The following KCNMA1 variants were observed in gnomAD, a reference collection of about 807,000 sequenced individuals.
The protein encoded by KCNMA1 is Calcium-activated potassium channel subunit alpha-1.
A neutral mutation model predicts 140.0 loss-of-function variants in KCNMA1; 29 were observed. The ratio of observed to expected loss-of-function variants is 0.21; its 90% confidence interval spans 0.15 to 0.28. KCNMA1 has a LOEUF of 0.28. Ranked by LOEUF, KCNMA1 falls within the 10% of genes least tolerant of loss-of-function variation. KCNMA1 has a pLI of 1.00. For synonymous variants in KCNMA1, 612 were observed against 611.9 expected (o/e 1.00, Z 0.00); for missense variants, 880 against 1,602.2 (o/e 0.55, Z 7.70).
intron 2 of KCNMA1, among the ~76,000 whole-genome samples, chr10:77,281,590 C>T (rs572091482): frequency 1.3e-5 from 2 of 152,216 alleles, no homozygotes; most frequent in East Asian, 1.9e-4. Flanking sequence ...AGATCCAATA[C>T]GATTGAGGAA....
chr10:77,043,176 A>G (rs879636285), intron 14 of KCNMA1, among the ~76,000 whole-genome samples: 3 of 152,134 alleles, frequency 2.0e-5, no homozygotes, highest in Non-Finnish European at 2.9e-5. Flanking sequence ...GTCTCTACAC[A>G]CTAGACCTAG....
intron 1 of KCNMA1, among the ~76,000 whole-genome samples, chr10:77,456,202 C>T (rs2097760590): frequency 6.6e-6 from 1 of 152,230 alleles, no homozygotes; most frequent in Non-Finnish European, 1.5e-5. Flanking sequence ...TCTTTGGCCA[C>T]ATAGGCATGG....
At chr10:77,044,727 G>T (rs1319959227) in intron 14 of KCNMA1, among the ~76,000 whole-genome samples, 3 of 152,188 alleles carry the variant, frequency 2.0e-5, no homozygotes, top group Non-Finnish European at 4.4e-5. Flanking sequence ...GGTAAAGGGA[G>T]TTATTGTCAT....
At chr10:77,369,485 T>C (rs905948641) in intron 2 of KCNMA1, among the ~76,000 whole-genome samples, 1 of 152,216 alleles carries the variant, frequency 6.6e-6, no homozygotes, top group African/African-American at 2.4e-5. Flanking sequence ...CTATGCTCAT[T>C]AAATCAATCT....
intron 1 of KCNMA1, among the ~76,000 whole-genome samples, chr10:77,459,690 A>T (rs1254295388): frequency 6.6e-6 from 1 of 152,226 alleles, no homozygotes; most frequent in African/African-American, 2.4e-5. Context: ...TCTGAAGACC[A>T]GCACCCAAAA....
At chr10:77,583,356 G>A (rs1340300625) in intron 1 of KCNMA1, among the ~76,000 whole-genome samples, 1 of 152,190 alleles carries the variant, frequency 6.6e-6, no homozygotes, top group Admixed American at 6.5e-5. Context: ...CTGGAATCCA[G>A]GTCCTGACAA....
chr10:76,884,806 A>G (rs78815917), downstream of KCNMA1: 1,324 of 883,334 alleles, frequency 1.5e-3, 6 homozygotes, highest in African/African-American at 0.01. Flanking sequence ...GGAGGGGGGG[A>G]AAAGCAAAAC....
At chr10:77,067,279 C>T (rs2095991236) in intron 14 of KCNMA1, among the ~76,000 whole-genome samples, 1 of 152,196 alleles carries the variant, frequency 6.6e-6, no homozygotes, top group Non-Finnish European at 1.5e-5. Flanking sequence ...CTCCCTCTGC[C>T]TGATGGTCAG....
Position 77,403,961 on chromosome 10 carries a change from T to C in KCNMA1, c.441A>G (p.Glu147=). 6.2e-7 allele frequency: 1 copy of C among 1,614,192 alleles called. No homozygotes were observed. Among genetic ancestry groups the C allele is most frequent in the Non-Finnish European group, 8.5e-7 (1 of 1,180,046 alleles). Residue 147 remains glutamate (E), a synonymous_variant, in exon 2 of 28, where the codon GAA becomes GAG. Transcript: ENST00000286628. ...QADGTLKPVD[E]KEEAVAAEVG... ...CCTCGGCGGCCACTGCCTCCTCTTTTTCATCCACTGGTTTGAGAGTGCCAT... is the reference window on the plus strand; with the variant it reads ...CCTCGGCGGCCACTGCCTCCTCTTTCTCATCCACTGGTTTGAGAGTGCCAT...
intron 25 of KCNMA1, among the ~76,000 whole-genome samples, chr10:76,895,934 A>G (rs1278200146): frequency 3.3e-5 from 5 of 152,184 alleles, no homozygotes; most frequent in African/African-American, 1.2e-4. Context: ...AAGGGCAACA[A>G]AAGGTCACAA....
chr10:76,894,180 T>C (rs1322764934), intron 25 of KCNMA1, among the ~76,000 whole-genome samples: 2 of 152,224 alleles, frequency 1.3e-5, no homozygotes, highest in African/African-American at 4.8e-5. Context: ...CATTCAGTTA[T>C]GATCTATTAA....
chr10:77,555,335 G>T (rs2063997542), intron 1 of KCNMA1, among the ~76,000 whole-genome samples: 1 of 152,124 alleles, frequency 6.6e-6, no homozygotes, highest in African/African-American at 2.4e-5. Context: ...GTCATTTCTG[G>T]CTATTATAGG....
At chr10:77,260,183 G>T (rs916584016) in intron 2 of KCNMA1, among the ~76,000 whole-genome samples, 1 of 152,150 alleles carries the variant, frequency 6.6e-6, no homozygotes, top group African/African-American at 2.4e-5. Flanking sequence ...CACACACAGG[G>T]ATAGCAAGGA....
chr10:77,084,666 C>G lies in KCNMA1; in HGVS notation c.1494G>C (p.Pro498=). The change falls in exon 12 of 28, where the codon CCG becomes CCC. Residue 498 remains proline (P), a synonymous_variant. Coordinates refer to ENST00000286628, the MANE Select transcript of KCNMA1 (RefSeq NM_001161352.2). ...TGATATTCGAGGCATCCTCCGCATC[C>G]GGGTCAGCGCAGTACTTGTTGGCAA... ...LILANKYCAD[P]DAEDASNIMR... 5 of 1,614,164 alleles carry G rather than the reference C, an allele frequency of 3.1e-6. No individual in the cohort carries two copies. The highest frequency in any genetic ancestry group is 4.2e-6 in the Non-Finnish European group (5 of 1,180,026).
chr10:77,225,528 T>G (rs1341688103), intron 3 of KCNMA1, among the ~76,000 whole-genome samples: 1 of 152,154 alleles, frequency 6.6e-6, no homozygotes, highest in East Asian at 1.9e-4. Context: ...TTCTCTAGAA[T>G]TCTCCCACCT....
At chr10:77,367,499 C>T (rs1209628902) in intron 2 of KCNMA1, among the ~76,000 whole-genome samples, 1 of 152,088 alleles carries the variant, frequency 6.6e-6, no homozygotes, top group African/African-American at 2.4e-5. Flanking sequence ...ATGCAGAGTC[C>T]CAGGCCCCAT....
intron 1 of KCNMA1, among the ~76,000 whole-genome samples, chr10:77,434,440 C>T (rs187939733): frequency 1.1e-4 from 17 of 152,284 alleles, no homozygotes; most frequent in Admixed American, 8.5e-4. Context: ...ACCAGTCTCC[C>T]GACACACATC....
intron 1 of KCNMA1, among the ~76,000 whole-genome samples, chr10:77,514,765 C>A (rs1165726740): frequency 1.3e-5 from 2 of 152,196 alleles, no homozygotes; most frequent in African/African-American, 2.4e-5. Flanking sequence ...TGGCCCTGGC[C>A]CTGTACTTTC....
intron 2 of KCNMA1, among the ~76,000 whole-genome samples, chr10:77,278,825 T>C (rs1253176128): frequency 6.6e-6 from 1 of 152,232 alleles, no homozygotes; most frequent in Non-Finnish European, 1.5e-5. Context: ...TCAGCTACTA[T>C]TATCCATCCC....
Sources: allele counts gnomAD v4.1 joint callset (sites outside exome capture counted in the v4.1 genomes callset), GRCh38; gene constraint gnomAD v4.1.1; transcripts MANE v1.5; gene names NCBI Gene and HGNC (gene_info 2026-07-23, HGNC 2026-07-21).